WDR86: variants seen among roughly 807,000 people sequenced by gnomAD.
WDR86 encodes the protein WD repeat domain 86, also known as WD repeat-containing protein 86.
WDR86 carries 30 observed loss-of-function variants against 36.5 expected under a neutral mutation model. The ratio of observed to expected loss-of-function variants is 0.82; its 90% CI spans 0.61 to 1.11. The LOEUF (loss-of-function observed/expected upper bound fraction) is 1.11. Ranked by LOEUF, WDR86 falls within the 50% of genes most tolerant of loss-of-function variation. The pLI, the probability that WDR86 is intolerant of heterozygous loss-of-function variation, is 0.00. For synonymous variants in WDR86, 255 were observed against 252.9 expected (o/e 1.01, Z -0.08); for missense variants, 545 against 561.2 (o/e 0.97, Z 0.29).
chr7:151,399,448 C>A (rs550858697), intron 2 of WDR86, among the ~76,000 whole-genome samples: 2 of 152,338 alleles, frequency 1.3e-5, no homozygotes, highest in East Asian at 1.9e-4. Flanking sequence ...CCAGGCAGCG[C>A]CCCTCCTCCA....
chr7:151,410,030 C>G lies in WDR86; in HGVS notation c.-441G>C. On this transcript the variant is annotated 5_prime_UTR_variant, in exon 1 of 6. Coordinates refer to ENST00000334493, the MANE Select transcript of WDR86 (RefSeq NM_198285.3). ...GCGCCCTCCCCGGCCGAGCGCGGAA[C>G]AATACGGTCCAGCCTGGCTCCTCCT... is the stretch of plus-strand genomic sequence containing the variant. 1.0e-6 allele frequency: 1 copy of G among 991,638 alleles called. No individual in the cohort carries two copies. The highest frequency in any genetic ancestry group is 1.2e-6 in the Non-Finnish European group (1 of 834,456). The allele number at this position is 991,638 out of a possible 1,614,324, so 61.4% of individuals were successfully genotyped here. A position where few individuals can be genotyped will look rare whatever the true frequency, so the allele number is the denominator to read the frequency against.
chr7:151,410,512 A>G (rs1211798588), upstream of WDR86: 1 of 152,222 alleles, frequency 6.6e-6, no homozygotes, highest in African/African-American at 2.4e-5. Flanking sequence ...GCGCACACCC[A>G]GGATTCTACT....
At position 151,381,765 on chromosome 7, in the gene WDR86, G is replaced by GGGGGC; in HGVS notation, c.967-20_967-19insGCCCC. Reference sequence around the variant, plus strand: ...CGTGCACCTGCGGGCGCAGGGGCGGGCGTCACCGGTGACGCGGTAGGCGGG... The same window carrying GGGGGC: ...CGTGCACCTGCGGGCGCAGGGGCGGGGGGGCCGTCACCGGTGACGCGGTAGGCGGG... On this transcript the variant is annotated intron_variant, in intron 5 of 5. Coordinates refer to ENST00000334493, the MANE Select transcript of WDR86 (RefSeq NM_198285.3). This position sits in a 1 kb window ranked among gnomAD's most constrained non-coding sequence, Gnocchi z 4.8. 6.7e-7 allele frequency: 1 copy of GGGGGC among 1,490,804 alleles called. No individual in the cohort carries two copies. Among genetic ancestry groups the GGGGGC allele is most frequent in the Middle Eastern group, 2.0e-4 (1 of 5,108 alleles). The allele number at this position is 1,490,804 out of a possible 1,614,324, so 92.3% of individuals were successfully genotyped here. A position where few individuals can be genotyped will look rare whatever the true frequency, so the allele number is the denominator to read the frequency against.
chr7:151,374,885 A>G (rs2302127), downstream of WDR86, among the ~76,000 whole-genome samples: 100,056 of 152,054 alleles, frequency 0.66, 33,482 homozygotes, highest in East Asian at 0.89. Flanking sequence ...ACACGTGGTG[A>G]GGGGTCCCGA....
intron 2 of WDR86, 80 bp downstream of exon 2, chr7:151,400,020 G>A (rs1391066913): frequency 4.5e-6 from 6 of 1,346,606 alleles, no homozygotes; most frequent in Non-Finnish European, 4.9e-6. Flanking sequence ...TCACGTGCAG[G>A]GGCCCATATC....
chr7:151,409,170 C>A lies in WDR86; in HGVS notation c.163+257G>T, dbSNP rs577701693. 6.3e-6 allele frequency: 4 copies of A among 637,344 alleles called. No individual in the cohort carries two copies. Among genetic ancestry groups the A allele is most frequent in the South Asian group, 5.2e-5 (3 of 57,430 alleles). 39.5% of individuals were successfully genotyped at this position (637,344 alleles called of 1,614,324 possible). The stretch of plus-strand genomic sequence containing the variant: ...TGACAAATGATCTTCGCCTTTGTAG[C>A]GGACGCCCCTCGACCCACCCACCCG... On this transcript the variant is annotated intron_variant, in intron 1 of 5. Transcript: ENST00000334493. The surrounding 1 kb of genome is among the most constrained non-coding windows in gnomAD (Gnocchi z 5.2).
At chr7:151,385,761 C>G (rs114666935) in intron 3 of WDR86, among the ~76,000 whole-genome samples, 1 of 152,098 alleles carries the variant, frequency 6.6e-6, no homozygotes, top group African/African-American at 2.4e-5. Context: ...GAAGAGGGCC[C>G]GGGAGACAGT....
rs780300267 is a variant in WDR86 at position 151,400,188 on chromosome 7, A to G, written c.217T>C (p.Cys73Arg). The change falls in exon 2 of 6, where the codon TGC (cysteine) becomes CGC (arginine). Residue 73 changes from cysteine (C) to arginine (R), a missense_variant. Cys to Arg is a radical substitution (Grantham distance 180). Coordinates refer to ENST00000334493, the MANE Select transcript of WDR86 (RefSeq NM_198285.3). ...CTCCTGATGGTGCAGTCGGCGCTGCATGTGAAGGCAGCCTCATCCTCCAGC... is the reference window on the plus strand; with the variant it reads ...CTCCTGATGGTGCAGTCGGCGCTGCGTGTGAAGGCAGCCTCATCCTCCAGC... The part of the protein sequence containing the change: ...CQLEDEAAFT[C>R]SADCTIRRWD... The G allele has an allele frequency of 1.2e-6, 2 of 1,611,790 alleles. No individual in the cohort carries two copies. Among genetic ancestry groups the G allele is most frequent in the South Asian group, 1.1e-5 (1 of 90,422 alleles).
chr7:151,374,019 A>T, downstream of WDR86: 3 of 1,439,282 alleles, frequency 2.1e-6, no homozygotes, highest in Non-Finnish European at 2.8e-6. Flanking sequence ...AAATGCGGAG[A>T]ATCCTGCAGA....
chr7:151,379,136 A>T (rs1244466898), downstream of WDR86, among the ~76,000 whole-genome samples: 1 of 152,104 alleles, frequency 6.6e-6, no homozygotes, highest in Admixed American at 6.5e-5. Flanking sequence ...GGGACAAACA[A>T]GATAGTATTT....
chr7:151,385,520 G>A (rs1416356820), intron 3 of WDR86, among the ~76,000 whole-genome samples: 1 of 152,232 alleles, frequency 6.6e-6, no homozygotes, highest in East Asian at 1.9e-4. Flanking sequence ...GGATTAGGAT[G>A]TGGACAGCCC....
intron 3 of WDR86, among the ~76,000 whole-genome samples, chr7:151,391,105 G>A (rs1327508287): frequency 6.6e-6 from 1 of 152,254 alleles, no homozygotes; most frequent in Non-Finnish European, 1.5e-5. Context: ...TAGAAAGGCA[G>A]ATCGTGAGCG....
intron 2 of WDR86, among the ~76,000 whole-genome samples, chr7:151,398,318 A>G (rs1334917492): frequency 6.6e-6 from 1 of 151,748 alleles, no homozygotes; most frequent in African/African-American, 2.4e-5. Context: ...TGTAAGTTGC[A>G]TGTGCATGTG....
intron 1 of WDR86, among the ~76,000 whole-genome samples, chr7:151,408,059 T>C (rs914127584): frequency 6.6e-6 from 1 of 152,158 alleles, no homozygotes; most frequent in Admixed American, 6.5e-5. Context: ...TGTGTGTGGC[T>C]GTTTGGGGGG....
At chr7:151,380,031 A>G (rs1049040736), downstream of WDR86, among the ~76,000 whole-genome samples, 15 of 152,296 alleles carry the variant, frequency 9.8e-5, no homozygotes, top group South Asian at 2.1e-4. Flanking sequence ...ACAGGCCCCA[A>G]TGGCTCCGGG....
rs1294482747 is a variant in WDR86 at position 151,405,422 on chromosome 7, C to A, written c.163+4005G>T. Among the ~76,000 whole-genome samples, 1 of 152,202 alleles carries A rather than the reference C, an allele frequency of 6.6e-6. No homozygotes were observed. The highest frequency in any genetic ancestry group is 1.5e-5 in the Non-Finnish European group (1 of 68,046). ...GTGACAGCCTTGCTGTTCCGAGCCA[C>A]GGCCACTGTGGTTCCCTTATGCTCC... On this transcript the variant is annotated intron_variant, in intron 1 of 5. Coordinates refer to ENST00000334493, the MANE Select transcript of WDR86 (RefSeq NM_198285.3). This position sits in a 1 kb window ranked among gnomAD's most constrained non-coding sequence, Gnocchi z 4.7.
downstream of WDR86, chr7:151,376,747 C>T (rs753322816): frequency 1.8e-5 from 28 of 1,598,276 alleles, no homozygotes; most frequent in East Asian, 6.8e-5. Flanking sequence ...GCCTGCCTCC[C>T]GAGCTGCCGC....
chr7:151,381,794 G>T lies in WDR86; in HGVS notation c.967-48C>A, dbSNP rs1336426251. 3 of 1,506,526 alleles carry T rather than the reference G, an allele frequency of 2.0e-6. No homozygotes were observed. The highest frequency in any genetic ancestry group is 2.6e-5 in the South Asian group (2 of 77,722). The allele number at this position is 1,506,526 out of a possible 1,614,324, so 93.3% of individuals were successfully genotyped here. A position where few individuals can be genotyped will look rare whatever the true frequency, so the allele number is the denominator to read the frequency against. On this transcript the variant is annotated intron_variant, in intron 5 of 5. Transcript: ENST00000334493. This position sits in a 1 kb window ranked among gnomAD's most constrained non-coding sequence, Gnocchi z 4.8. ...CACCGGTGACGCGGTAGGCGGGGGGGACACCGCTGCCCGCGTGGATGGATC... is the reference window on the plus strand; with the variant it reads ...CACCGGTGACGCGGTAGGCGGGGGGTACACCGCTGCCCGCGTGGATGGATC...
downstream of WDR86, among the ~76,000 whole-genome samples, chr7:151,373,601 C>G (rs539178322): frequency 2.8e-4 from 43 of 152,324 alleles, 1 homozygote; most frequent in African/African-American, 1.0e-3. Context: ...CTGTGGGGGG[C>G]GGGTCACCAG....
Sources: gnomAD v4.1 joint callset for allele counts (sites outside exome capture counted in the v4.1 genomes callset) on GRCh38, gnomAD v4.1.1 for gene constraint, Gnocchi (gnomAD v3.1) non-coding constraint, MANE v1.5 for transcripts, NCBI Gene and HGNC (gene_info 2026-07-23, HGNC 2026-07-21) for gene names.